NELL2: variants seen among roughly 807,000 people sequenced by gnomAD.
The protein encoded by NELL2 is protein kinase C-binding protein NELL2.
In NELL2, 41 loss-of-function variants were observed where a neutral mutation model predicts 109.6. That is an observed-to-expected ratio of 0.37 (90% CI 0.29 to 0.49). The LOEUF is 0.49. Ranked by LOEUF, NELL2 falls within the 20% of genes least tolerant of loss-of-function variation. NELL2 has a pLI of 0.98. For missense variants in NELL2, 900 were observed against 1,008.3 expected (o/e 0.89, Z 1.45); for synonymous variants, 355 against 344.7 (o/e 1.03, Z -0.33).
intron 3 of NELL2, among the ~76,000 whole-genome samples, chr12:44,796,697 T>C: frequency 6.6e-6 from 1 of 152,040 alleles, no homozygotes; most frequent in East Asian, 1.9e-4. Flanking sequence ...TGCAGCCAAA[T>C]CATTGAGGAT....
intron 1 of NELL2, among the ~76,000 whole-genome samples, chr12:44,885,791 A>T (rs1483970653): frequency 6.6e-6 from 1 of 151,864 alleles, no homozygotes; most frequent in Admixed American, 6.5e-5. Context: ...TTTTAAATTT[A>T]TATGGAAAAA....
intron 18 of NELL2, among the ~76,000 whole-genome samples, chr12:44,521,529 C>CAAAAAAAAAAAAAAAAAAAAAA (rs56713964): frequency 9.0e-5 from 10 of 111,398 alleles, no homozygotes; most frequent in African/African-American, 3.7e-4. Flanking sequence ...GACTCCGTCT[C>CAAAAAAAAAAAAAAAAAAAAAA]AAAAAAAAAA....
intron 12 of NELL2, among the ~76,000 whole-genome samples, chr12:44,671,410 A>G (rs1461821590): frequency 1.3e-5 from 2 of 152,180 alleles, no homozygotes; most frequent in East Asian, 3.8e-4. Context: ...ACCAAACCCA[A>G]ATTAGTAGAA....
chr12:44,836,886 G>A (rs1319973615), intron 2 of NELL2, among the ~76,000 whole-genome samples: 1 of 152,148 alleles, frequency 6.6e-6, no homozygotes, highest in African/African-American at 2.4e-5. Flanking sequence ...AAGGAGCATT[G>A]TATTTTGAGA....
At chr12:44,702,864 G>A (rs555144638) in intron 12 of NELL2, among the ~76,000 whole-genome samples, 3 of 152,266 alleles carry the variant, frequency 2.0e-5, no homozygotes, top group Admixed American at 2.0e-4. Context: ...TTTCCCGAGA[G>A]CCAACAAATC....
chr12:44,822,945 G>T (rs1303685458), intron 2 of NELL2, among the ~76,000 whole-genome samples: 1 of 151,998 alleles, frequency 6.6e-6, no homozygotes, highest in Non-Finnish European at 1.5e-5. Context: ...AAAGGCAGGG[G>T]GAGGAGGAGA....
chr12:44,591,643 T>C (rs1044199176), intron 15 of NELL2, among the ~76,000 whole-genome samples: 2 of 152,100 alleles, frequency 1.3e-5, no homozygotes, highest in Non-Finnish European at 2.9e-5. Context: ...AGAGGTTGTT[T>C]AAAGGATACA....
chr12:44,688,578 G>A (rs1948802235), intron 12 of NELL2, among the ~76,000 whole-genome samples: 2 of 152,164 alleles, frequency 1.3e-5, no homozygotes. Flanking sequence ...ATTTTCGCAA[G>A]TTCCCACAGT....
intron 9 of NELL2, among the ~76,000 whole-genome samples, chr12:44,759,545 C>T (rs938153872): frequency 2.0e-5 from 3 of 152,158 alleles, no homozygotes; most frequent in Non-Finnish European, 4.4e-5. Flanking sequence ...AGCTAACTAA[C>T]AGATATACAA....
At chr12:44,621,611 T>C (rs546197118) in intron 13 of NELL2, among the ~76,000 whole-genome samples, 2 of 152,176 alleles carry the variant, frequency 1.3e-5, no homozygotes, top group Admixed American at 1.3e-4. Flanking sequence ...TCTGATCAAA[T>C]TTTGCTGCCA....
intron 13 of NELL2, among the ~76,000 whole-genome samples, chr12:44,638,496 G>C (rs1263679377): frequency 6.6e-6 from 1 of 152,130 alleles, no homozygotes; most frequent in Non-Finnish European, 1.5e-5. Context: ...GGGAAGAATT[G>C]ATTAGGGAAA....
chr12:44,802,014 A>G (rs1226028196), intron 3 of NELL2, among the ~76,000 whole-genome samples: 2 of 152,080 alleles, frequency 1.3e-5, no homozygotes, highest in East Asian at 3.9e-4. Flanking sequence ...CATATCTAGA[A>G]CTCCTGTACT....
intron 9 of NELL2, among the ~76,000 whole-genome samples, chr12:44,769,982 A>G (rs1941484178): frequency 6.6e-6 from 1 of 152,132 alleles, no homozygotes; most frequent in Non-Finnish European, 1.5e-5. Flanking sequence ...ATATTGAGGA[A>G]GAGAGTGGTC....
chr12:44,548,742 T>A (rs1240278184), intron 15 of NELL2, among the ~76,000 whole-genome samples: 1 of 152,196 alleles, frequency 6.6e-6, no homozygotes, highest in Non-Finnish European at 1.5e-5. Flanking sequence ...AATTGGGACT[T>A]AAAGATAAGT....
chr12:44,624,827 C>T lies in NELL2; in HGVS notation c.1445-13857G>A, dbSNP rs544794721. Reference sequence around the variant, plus strand: ...GTCTCTGCATTCTCCATCCTCCACGCGCAATCCAAAATAATAAACTAAATG... The same window carrying T: ...GTCTCTGCATTCTCCATCCTCCACGTGCAATCCAAAATAATAAACTAAATG... On this transcript the variant is annotated intron_variant, in intron 13 of 19. Transcript: ENST00000429094. Among the ~76,000 whole-genome samples the T allele has an allele frequency of 1.5e-4, 23 of 151,698 alleles. No individual in the cohort carries two copies. The East Asian group carries it at 3.1e-3, about 21-fold the overall frequency.
At chr12:44,850,293 A>T (rs1944495597) in intron 2 of NELL2, among the ~76,000 whole-genome samples, 1 of 152,148 alleles carries the variant, frequency 6.6e-6, no homozygotes, top group Non-Finnish European at 1.5e-5. Context: ...GCAAATTTAT[A>T]AAAAATTCCA....
chr12:44,921,160 A>G (rs1189410764), intron 1 of NELL2, among the ~76,000 whole-genome samples: 2 of 152,178 alleles, frequency 1.3e-5, no homozygotes, highest in Non-Finnish European at 2.9e-5. Context: ...ATTTATATCT[A>G]TTTGGGATTC....
intron 15 of NELL2, among the ~76,000 whole-genome samples, chr12:44,595,197 T>C (rs1441850924): frequency 1.3e-5 from 2 of 152,234 alleles, no homozygotes; most frequent in South Asian, 2.1e-4. Context: ...TTAAAGAAAA[T>C]GATAACAACT....
chr12:44,746,536 T>C (rs1181683774), intron 9 of NELL2, among the ~76,000 whole-genome samples: 1 of 152,170 alleles, frequency 6.6e-6, no homozygotes, highest in Admixed American at 6.6e-5. Flanking sequence ...AGAAAATTTT[T>C]GCAACCTACT....
Sources: gnomAD v4.1 joint callset for allele counts (sites outside exome capture counted in the v4.1 genomes callset) on GRCh38, gnomAD v4.1.1 for gene constraint, MANE v1.5 for transcripts, NCBI Gene and HGNC (gene_info 2026-07-23, HGNC 2026-07-21) for gene names.